HTR3B: variants seen among roughly 807,000 people sequenced by gnomAD.
HTR3B encodes 5-hydroxytryptamine (serotonin) receptor 3B, ionotropic.
A neutral mutation model predicts 42.8 loss-of-function variants in HTR3B; 44 were observed. The ratio of observed to expected loss-of-function variants is 1.03; its 90% confidence interval spans 0.81 to 1.32. HTR3B has a LOEUF of 1.32. HTR3B is among the 40% of genes most tolerant of loss of function. HTR3B has a pLI of 0.00. For missense variants in HTR3B, 527 were observed against 536.5 expected (o/e 0.98, Z 0.17); for synonymous variants, 203 against 209.0 (o/e 0.97, Z 0.25).
intron 1 of HTR3B, chr11:113,909,054 C>T (rs1949756737): frequency 1.7e-6 from 1 of 575,094 alleles, no homozygotes; most frequent in East Asian, 2.9e-5. Flanking sequence ...AGTTTTCCAA[C>T]CTTGGAGATG....
chr11:113,937,432 T>C (rs556008349), intron 6 of HTR3B, among the ~76,000 whole-genome samples: 5 of 152,288 alleles, frequency 3.3e-5, no homozygotes, highest in African/African-American at 1.2e-4. Flanking sequence ...GATGAATAAA[T>C]GAAGGCTCCT....
chr11:113,940,210 G>A (rs1180259896), intron 6 of HTR3B, among the ~76,000 whole-genome samples: 1 of 152,076 alleles, frequency 6.6e-6, no homozygotes, highest in African/African-American at 2.4e-5. Flanking sequence ...TTGAGTCTGG[G>A]CTCTTTCTGC....
At chr11:113,926,120 A>G (rs1446785727) in intron 2 of HTR3B, among the ~76,000 whole-genome samples, 3 of 152,216 alleles carry the variant, frequency 2.0e-5, no homozygotes, top group Non-Finnish European at 2.9e-5. Flanking sequence ...GAATCATACC[A>G]TAAATGGCTT....
At chr11:113,927,229 C>T (rs1001528300) in intron 2 of HTR3B, among the ~76,000 whole-genome samples, 4 of 152,152 alleles carry the variant, frequency 2.6e-5, no homozygotes, top group African/African-American at 7.2e-5. Context: ...CTCCAGAACT[C>T]CTTTCATCTT....
At chr11:113,909,516 A>G in intron 2 of HTR3B, 61 bp downstream of exon 2, 1 of 1,375,086 alleles carries the variant, frequency 7.3e-7, no homozygotes, top group South Asian at 1.2e-5. Context: ...TCTGCAGTTC[A>G]TGCAGGAGCC....
intron 8 of HTR3B, among the ~76,000 whole-genome samples, chr11:113,945,639 C>T (rs1249079819): frequency 6.6e-6 from 1 of 152,208 alleles, no homozygotes; most frequent in African/African-American, 2.4e-5. Context: ...GGGCTGACCT[C>T]TAACTCAGAA....
chr11:113,939,610 C>T (rs1950118036), intron 6 of HTR3B, among the ~76,000 whole-genome samples: 1 of 152,174 alleles, frequency 6.6e-6, no homozygotes, highest in South Asian at 2.1e-4. Flanking sequence ...CCACACCATC[C>T]ATCTCTGGCT....
At chr11:113,934,363 G>A (rs1950068119) in intron 6 of HTR3B, among the ~76,000 whole-genome samples, 1 of 137,448 alleles carries the variant, frequency 7.3e-6, no homozygotes, top group Non-Finnish European at 1.6e-5. Flanking sequence ...CAAAAGAAAA[G>A]AAAGGAAGGA....
intron 6 of HTR3B, among the ~76,000 whole-genome samples, chr11:113,933,845 A>G (rs1002671445): frequency 6.6e-6 from 1 of 152,192 alleles, no homozygotes; most frequent in African/African-American, 2.4e-5. Flanking sequence ...CAACTGGTAA[A>G]CTACATCATT....
At chr11:113,910,655 G>T (rs7943259) in intron 2 of HTR3B, among the ~76,000 whole-genome samples, 1 of 151,266 alleles carries the variant, frequency 6.6e-6, no homozygotes, top group Non-Finnish European at 1.5e-5. Flanking sequence ...GGACAGGTTG[G>T]TCTCAAACTC....
At chr11:113,939,466 A>G (rs940968515) in intron 6 of HTR3B, among the ~76,000 whole-genome samples, 1 of 152,196 alleles carries the variant, frequency 6.6e-6, no homozygotes, top group Admixed American at 6.5e-5. Flanking sequence ...GTGTGACTAC[A>G]TAGGTTCATA....
chr11:113,931,893 T>C (rs1189023943), intron 4 of HTR3B, 26 bp downstream of exon 4: 14 of 1,326,726 alleles, frequency 1.1e-5, no homozygotes, highest in Non-Finnish European at 1.4e-5. Context: ...TGTATTTCTG[T>C]GGGGTTTAGA....
intron 7 of HTR3B, among the ~76,000 whole-genome samples, 154 bp downstream of exon 7, chr11:113,943,346 A>T (rs1223698044): frequency 2.0e-5 from 3 of 152,054 alleles, no homozygotes; most frequent in Non-Finnish European, 4.4e-5. Flanking sequence ...AGACCAGCCT[A>T]GGCAACATAG....
intron 2 of HTR3B, 100 bp downstream of exon 2, chr11:113,909,555 G>A: frequency 1.0e-6 from 1 of 952,782 alleles, no homozygotes; most frequent in Non-Finnish European, 1.6e-6. Context: ...TGAGATTGTA[G>A]TTGAACTGGC....
At position 113,932,383 on chromosome 11, in the gene HTR3B, T is replaced by G. The variant is rs180672312; in HGVS notation, c.463T>G (p.Cys155Gly). 5.3e-5 allele frequency: 85 copies of G among 1,613,788 alleles called. No individual in the cohort carries two copies. The Middle Eastern group carries it at 2.5e-3, about 47-fold the overall frequency. The stretch of plus-strand genomic sequence containing the variant: ...TAAGCCCATCCAGGTGGTCTCTGCG[T>G]GCAGTTTAGAGACATATGCTTTTCC... ...NYKPIQVVSA[C>G]SLETYAFPFD... is the part of the protein sequence containing the mutation. Residue 155 changes from cysteine (C) to glycine (G), a missense_variant, in exon 5 of 9, where the codon TGC becomes GGC. Coordinates refer to ENST00000260191, the MANE Select transcript of HTR3B (RefSeq NM_006028.5).
At chr11:113,922,772 G>A (rs369688300) in intron 2 of HTR3B, among the ~76,000 whole-genome samples, 1 of 151,532 alleles carries the variant, frequency 6.6e-6, no homozygotes, top group East Asian at 2.0e-4. Context: ...AGCCGGGATG[G>A]TCTCAATCTC....
intron 2 of HTR3B, among the ~76,000 whole-genome samples, chr11:113,928,808 A>T (rs181272047): frequency 3.7e-4 from 57 of 152,318 alleles, no homozygotes; most frequent in Non-Finnish European, 4.0e-4. Flanking sequence ...AAGTGCTGGG[A>T]TTACAGGCGT....
At chr11:113,926,658 G>A (rs1302462593) in intron 2 of HTR3B, among the ~76,000 whole-genome samples, 1 of 151,852 alleles carries the variant, frequency 6.6e-6, no homozygotes, top group East Asian at 1.9e-4. Flanking sequence ...CTCGCAAGTA[G>A]CTGGGATCAC....
chr11:113,933,705 C>T (rs990014486), intron 6 of HTR3B, among the ~76,000 whole-genome samples: 10 of 152,186 alleles, frequency 6.6e-5, no homozygotes, highest in South Asian at 2.1e-4. Context: ...GAAATTTGTC[C>T]GGCATGAAAC....
Sources: allele counts gnomAD v4.1 joint callset (sites outside exome capture counted in the v4.1 genomes callset), GRCh38; gene constraint gnomAD v4.1.1; transcripts MANE v1.5; gene names NCBI Gene and HGNC (gene_info 2026-07-23, HGNC 2026-07-21).